SSH2: variants seen among roughly 807,000 people sequenced by gnomAD.
SSH2 encodes slingshot protein phosphatase 2, also known as protein phosphatase Slingshot homolog 2.
In SSH2, 37 loss-of-function variants were observed where a neutral mutation model predicts 135.2. The ratio of observed to expected loss-of-function variants is 0.27; its 90% CI spans 0.21 to 0.36. The LOEUF is 0.36. Among genes scored for constraint, SSH2 ranks in the 10% least tolerant of loss-of-function variants. The pLI is 1.00. For synonymous variants in SSH2, 628 were observed against 646.2 expected, an observed-to-expected ratio of 0.97 and a Z score of 0.43; for missense variants, 1,408 against 1,765.3, an observed-to-expected ratio of 0.80 and a Z score of 3.63.
chr17:29,872,352 T>C (rs1487803052), intron 1 of SSH2, among the ~76,000 whole-genome samples: 1 of 152,180 alleles, frequency 6.6e-6, no homozygotes. Context: ...AAAGAGTGTA[T>C]ATCCCTATTC....
chr17:29,774,727 G>C, intron 3 of SSH2, among the ~76,000 whole-genome samples: 1 of 152,208 alleles, frequency 6.6e-6, no homozygotes, highest in East Asian at 1.9e-4. Context: ...TTATTCAATT[G>C]GGAAAATCAT....
At chr17:29,750,378 G>A (rs1369918034) in intron 3 of SSH2, among the ~76,000 whole-genome samples, 1 of 149,356 alleles carries the variant, frequency 6.7e-6, no homozygotes, top group Non-Finnish European at 1.5e-5. Context: ...GGTGGAGGTG[G>A]CAGCGAGCCG....
intron 2 of SSH2, among the ~76,000 whole-genome samples, chr17:29,794,524 TAC>T (rs1421469985): frequency 6.6e-6 from 1 of 152,192 alleles, no homozygotes; most frequent in Non-Finnish European, 1.5e-5. Flanking sequence ...TTTATTCAAA[TAC>T]ACACAGTAAC....
intron 2 of SSH2, among the ~76,000 whole-genome samples, chr17:29,815,242 G>A (rs2042536152): frequency 6.6e-6 from 1 of 150,844 alleles, no homozygotes; most frequent in Non-Finnish European, 1.5e-5. Flanking sequence ...CCCTGCCTCA[G>A]CCTCCCGAGT....
chr17:29,710,900 T>C (rs528929790), intron 3 of SSH2, among the ~76,000 whole-genome samples: 1 of 152,288 alleles, frequency 6.6e-6, no homozygotes, highest in East Asian at 1.9e-4. Flanking sequence ...TCCAAACTCA[T>C]ATATTGTAAT....
chr17:29,644,157 C>A (rs527573103), intron 14 of SSH2, among the ~76,000 whole-genome samples: 41 of 152,314 alleles, frequency 2.7e-4, no homozygotes, highest in Admixed American at 7.2e-4. Context: ...CACTCTTCAG[C>A]TTCTCCACCC....
intron 3 of SSH2, among the ~76,000 whole-genome samples, chr17:29,766,092 TATTATC>T (rs1200867496): frequency 2.5e-5 from 3 of 120,712 alleles, no homozygotes; most frequent in African/African-American, 8.7e-5. Context: ...TTATTATTAT[TATTATC>T]ATCATCATCA....
chr17:29,741,611 C>CT (rs6146027), intron 3 of SSH2, among the ~76,000 whole-genome samples: 200 of 140,784 alleles, frequency 1.4e-3, no homozygotes, highest in East Asian at 4.1e-3. Context: ...AATCCCCCTC[C>CT]TTTTTTTTTT....
chr17:29,884,664 C>T (rs770896410), intron 1 of SSH2, among the ~76,000 whole-genome samples: 7 of 152,312 alleles, frequency 4.6e-5, no homozygotes, highest in Admixed American at 2.6e-4. Context: ...ATATCATCTG[C>T]CATCTACTCA....
At chr17:29,861,038 T>C (rs1437251306) in intron 1 of SSH2, among the ~76,000 whole-genome samples, 2 of 152,110 alleles carry the variant, frequency 1.3e-5, no homozygotes, top group African/African-American at 2.4e-5. Context: ...AGCCACCGTG[T>C]CCAGCCCTTT....
chr17:29,785,038 G>A (rs923542206), intron 3 of SSH2, among the ~76,000 whole-genome samples: 1 of 152,136 alleles, frequency 6.6e-6, no homozygotes, highest in African/African-American at 2.4e-5. Context: ...ATTTTCAAAG[G>A]TGAAGAATTT....
chr17:29,635,770 TC>T (rs2035891108), intron 15 of SSH2, among the ~76,000 whole-genome samples, 197 bp downstream of exon 15: 2 of 152,112 alleles, frequency 1.3e-5, no homozygotes, highest in Non-Finnish European at 2.9e-5. Flanking sequence ...TCCTCTGTCA[TC>T]CCCTCTTAGA....
intron 5 of SSH2, among the ~76,000 whole-genome samples, chr17:29,691,769 C>T (rs185933721): frequency 1.3e-5 from 2 of 149,940 alleles, no homozygotes; most frequent in Admixed American, 6.6e-5. Context: ...GGATTATAGG[C>T]GTGAGCCACT....
intron 2 of SSH2, among the ~76,000 whole-genome samples, chr17:29,829,862 C>T (rs1338116248): frequency 7.3e-6 from 1 of 136,960 alleles, no homozygotes; most frequent in Non-Finnish European, 1.5e-5. Context: ...TTTTTTGAGA[C>T]AGAGTCTCGC....
intron 1 of SSH2, among the ~76,000 whole-genome samples, chr17:29,872,871 C>CT (rs984443355): frequency 5.3e-5 from 8 of 151,874 alleles, no homozygotes; most frequent in Non-Finnish European, 8.8e-5. Flanking sequence ...TGCCGCGTGC[C>CT]TATAATCCCA....
intron 2 of SSH2, among the ~76,000 whole-genome samples, chr17:29,807,279 T>C (rs2042362413): frequency 1.3e-5 from 2 of 152,206 alleles, no homozygotes; most frequent in African/African-American, 4.8e-5. Flanking sequence ...GAAATTAGAA[T>C]ATTTAAGATG....
At chr17:29,914,579 CAAAA>C (rs2066848795) in intron 1 of SSH2, among the ~76,000 whole-genome samples, 1 of 142,746 alleles carries the variant, frequency 7.0e-6, no homozygotes, top group African/African-American at 2.6e-5. Flanking sequence ...AAAAAACAAA[CAAAA>C]AACCCCAAAG....
At chr17:29,791,653 G>A (rs954430427) in intron 3 of SSH2, among the ~76,000 whole-genome samples, 1 of 152,162 alleles carries the variant, frequency 6.6e-6, no homozygotes, top group East Asian at 1.9e-4. Flanking sequence ...CATTCAACTG[G>A]CAGGTAAGAT....
intron 1 of SSH2, among the ~76,000 whole-genome samples, chr17:29,913,358 A>AAAAAAAT (rs1567650109): frequency 3.7e-5 from 3 of 80,268 alleles, no homozygotes; most frequent in Non-Finnish European, 7.2e-5. Context: ...ATATATATAT[A>AAAAAAAT]TATATATATA....
Sources: gnomAD v4.1 joint callset for allele counts (sites outside exome capture counted in the v4.1 genomes callset) on GRCh38, gnomAD v4.1.1 for gene constraint, MANE v1.5 for transcripts, NCBI Gene and HGNC (gene_info 2026-07-23, HGNC 2026-07-21) for gene names.